RHPN2: variants seen among roughly 807,000 people sequenced by gnomAD.
RHPN2 encodes the protein rhophilin Rho GTPase binding protein 2.
RHPN2 carries 40 observed loss-of-function variants against 79.0 expected under a neutral mutation model. The observed-to-expected ratio is 0.51, with a 90% CI of 0.39 to 0.66. The LOEUF (loss-of-function observed/expected upper bound fraction) is 0.66, where lower values mean the gene tolerates loss of function less well. Among genes scored for constraint, RHPN2 ranks in the 30% least tolerant of loss-of-function variants. The pLI is 0.00. For synonymous variants in RHPN2, 285 were observed against 363.5 expected (o/e 0.78, Z 2.46); for missense variants, 686 against 883.5 (o/e 0.78, Z 2.83).
At chr19:33,008,261 T>A in intron 6 of RHPN2, 81 bp from the exon 7 acceptor site, 1 of 1,456,680 alleles carries the variant, frequency 6.9e-7, no homozygotes, top group Non-Finnish European at 9.4e-7. Flanking sequence ...TTTTTTTTTT[T>A]TTTTTTAAGA....
At chr19:33,047,409 T>C (rs1324957355) in intron 1 of RHPN2, among the ~76,000 whole-genome samples, 2 of 152,168 alleles carry the variant, frequency 1.3e-5, no homozygotes, top group Admixed American at 1.3e-4. Flanking sequence ...GCTAAAAGTT[T>C]AAGATCAGAA....
intron 1 of RHPN2, among the ~76,000 whole-genome samples, chr19:33,053,580 T>C (rs1016665194): frequency 4.0e-5 from 6 of 151,154 alleles, no homozygotes; most frequent in Non-Finnish European, 8.9e-5. Flanking sequence ...CACACCACCA[T>C]GCCTGGCTAA....
chr19:33,062,044 G>C (rs1366686145), intron 1 of RHPN2, among the ~76,000 whole-genome samples: 2 of 152,092 alleles, frequency 1.3e-5, no homozygotes, highest in Non-Finnish European at 2.9e-5. Context: ...ATTTTCCTAG[G>C]ATAAATAGAC....
chr19:33,012,503 C>T (rs1971843353), intron 5 of RHPN2, 144 bp downstream of exon 5: 2 of 724,218 alleles, frequency 2.8e-6, no homozygotes, highest in East Asian at 5.1e-5. Flanking sequence ...TCTTATGCAG[C>T]AAGTGGAATG....
chr19:33,002,494 G>A, intron 8 of RHPN2, 91 bp from the exon 9 acceptor site: 1 of 1,508,216 alleles, frequency 6.6e-7, no homozygotes, highest in Non-Finnish European at 9.2e-7. Flanking sequence ...TTCTTCCCAT[G>A]CAACAGCCCC....
At chr19:33,023,467 C>T (rs28532922) in intron 3 of RHPN2, among the ~76,000 whole-genome samples, 170 of 147,218 alleles carry the variant, frequency 1.2e-3, no homozygotes, top group African/African-American at 4.0e-3. Flanking sequence ...AAAAAAAGAT[C>T]AACCATGCTA....
intron 13 of RHPN2, 116 bp downstream of exon 13, chr19:32,991,707 G>A: frequency 8.7e-7 from 1 of 1,150,854 alleles, no homozygotes; most frequent in Non-Finnish European, 1.3e-6. Context: ...TTTAGGGAAT[G>A]TAGCACCCAT....
intron 2 of RHPN2, among the ~76,000 whole-genome samples, chr19:33,034,728 CCAAG>C (rs1389156874): frequency 6.9e-6 from 1 of 145,296 alleles, no homozygotes; most frequent in African/African-American, 2.6e-5. Flanking sequence ...CTGTGGTGAG[CCAAG>C]ATCATCACAC....
rs377527877 is a variant in RHPN2, at chr19:33,034,479, G to A, written c.186-7847C>T. On this transcript the variant is annotated intron_variant, in intron 2 of 14. Transcript: ENST00000254260. ...AAATTAGCTGTGTGTGGTGGTGGGC[G>A]CCTATAGTCCCAACTACTCGGGAGG... Among the ~76,000 whole-genome samples the A allele has an allele frequency of 1.4e-3, 208 of 151,920 alleles. 1 individual carries two copies. The highest frequency in any genetic ancestry group is 4.8e-3 in the African/African-American group (200 of 41,444).
At chr19:33,043,754 C>T (rs1054367500) in intron 2 of RHPN2, among the ~76,000 whole-genome samples, 1 of 152,140 alleles carries the variant, frequency 6.6e-6, no homozygotes, top group African/African-American at 2.4e-5. Flanking sequence ...TGTTTTACCA[C>T]GAGAGCATAC....
Position 33,054,193 on chromosome 19 carries a change from CTT to C in RHPN2, c.70-9831_70-9830del, listed in dbSNP as rs1205879452. Among the ~76,000 whole-genome samples the C allele has an allele frequency of 2.3e-5, 3 of 131,348 alleles. No homozygotes were observed. In the East Asian group the frequency reaches 7.1e-4, roughly 31 times the overall value. The allele number at this position is 131,348 out of a possible 152,430, so 86.2% of individuals were successfully genotyped here. A position where few individuals can be genotyped will look rare whatever the true frequency, so the allele number is the denominator to read the frequency against. On this transcript the variant is annotated intron_variant, in intron 1 of 14. Coordinates refer to ENST00000254260, the MANE Select transcript of RHPN2 (RefSeq NM_033103.5). Reference sequence around the variant, plus strand: ...TTTTTACCACCTGCCCTTTTTTCTTCTTTGTTTTTTTTTTTTTTTTTTGAGAC... The same window carrying C: ...TTTTTACCACCTGCCCTTTTTTCTTCTGTTTTTTTTTTTTTTTTTTGAGAC...
chr19:33,049,207 A>G (rs79557439), intron 1 of RHPN2, among the ~76,000 whole-genome samples: 151 of 152,286 alleles, frequency 9.9e-4, no homozygotes, highest in East Asian at 2.7e-3. Context: ...CTGAGAGGTA[A>G]ATCTGGACAA....
At chr19:33,042,401 C>T (rs1385050879) in intron 2 of RHPN2, among the ~76,000 whole-genome samples, 3 of 152,168 alleles carry the variant, frequency 2.0e-5, no homozygotes, top group Non-Finnish European at 4.4e-5. Context: ...GCCTCTCTCA[C>T]GTCACACAGA....
chr19:33,062,558 T>A (rs1972289371), intron 1 of RHPN2, among the ~76,000 whole-genome samples: 1 of 151,214 alleles, frequency 6.6e-6, no homozygotes, highest in Non-Finnish European at 1.5e-5. Context: ...TCACTTAAGG[T>A]CAGGAGTTCA....
intron 1 of RHPN2, among the ~76,000 whole-genome samples, chr19:33,047,366 G>A (rs561567418): frequency 1.3e-3 from 195 of 152,162 alleles, no homozygotes; most frequent in African/African-American, 4.2e-3. Context: ...TCTGACCATT[G>A]TGCCCTGGGG....
chr19:33,038,300 TC>T (rs1378720342), intron 2 of RHPN2, among the ~76,000 whole-genome samples: 1 of 139,444 alleles, frequency 7.2e-6, no homozygotes, highest in Non-Finnish European at 1.5e-5. Context: ...AGACTCCATC[TC>T]AAAAAAAAAA....
In RHPN2 at chr19:32,990,536, A is replaced by G. The variant is rs373973646; in HGVS notation, c.1778T>C (p.Leu593Pro). The G allele has an allele frequency of 1.1e-5, 18 of 1,613,688 alleles. No homozygotes were observed. Among genetic ancestry groups the G allele is most frequent in the Non-Finnish European group, 1.5e-5 (18 of 1,179,844 alleles). The change falls in exon 14 of 15, where the codon CTC becomes CCC. Residue 593 changes from leucine (L) to proline (P), a missense_variant. Coordinates refer to ENST00000254260, the MANE Select transcript of RHPN2 (RefSeq NM_033103.5). ...CACCATGGATGATGTGGAGTCCAGG[A>G]GGCTCACGACTTTCATCTCGATCTC... Reference protein sequence around the residue: ...EDEIEMKVVSLLDSTSSMHNK... With the variant: ...EDEIEMKVVSPLDSTSSMHNK...
intron 1 of RHPN2, among the ~76,000 whole-genome samples, chr19:33,058,165 C>T (rs1972249505): frequency 6.6e-6 from 1 of 151,878 alleles, no homozygotes; most frequent in South Asian, 2.1e-4. Flanking sequence ...ATTTCAGAAA[C>T]AAAAAAAGCC....
rs1599810275 is a variant in RHPN2 at position 32,996,332 on chromosome 19, G to A, written c.1226-112C>T. On this transcript the variant is annotated intron_variant, in intron 10 of 14. Transcript: ENST00000254260. ...TTCTCTTTTCTAAAGGATCTGCCTGGATAGCTAGAGCCTGTGATACCCTAC... is the reference window on the plus strand; with the variant it reads ...TTCTCTTTTCTAAAGGATCTGCCTGAATAGCTAGAGCCTGTGATACCCTAC... 1.6e-5 allele frequency: 18 copies of A among 1,098,004 alleles called. No homozygotes were observed. In the East Asian group the frequency reaches 4.0e-4, roughly 25 times the overall value. 68.0% of individuals were successfully genotyped at this position (1,098,004 alleles called of 1,614,324 possible). A position where few individuals can be genotyped will look rare whatever the true frequency, so the allele number is the denominator to read the frequency against.
Sources: allele counts gnomAD v4.1 joint callset (sites outside exome capture counted in the v4.1 genomes callset), GRCh38; gene constraint gnomAD v4.1.1; transcripts MANE v1.5; gene names NCBI Gene and HGNC (gene_info 2026-07-23, HGNC 2026-07-21).